SUGCT: variants seen among roughly 807,000 people sequenced by gnomAD.
SUGCT encodes succinyl-CoA:glutarate CoA-transferase.
SUGCT carries 41 observed loss-of-function variants against 55.0 expected under a neutral mutation model. The ratio of observed to expected loss-of-function variants is 0.74; its 90% CI spans 0.58 to 0.97. The LOEUF is 0.97. SUGCT is among the 50% of genes least tolerant of loss of function. The probability of loss-of-function intolerance (pLI) is 0.00; values close to 1 mark genes in which losing one functional copy is unlikely to be tolerated. For missense variants in SUGCT, 568 were observed against 547.8 expected (o/e 1.04, Z -0.37); for synonymous variants, 187 against 200.4 (o/e 0.93, Z 0.56).
Position 40,136,190 on chromosome 7 carries a change from G to T in SUGCT, c.100+1070G>T, listed in dbSNP as rs554371536. On this transcript the variant is annotated intron_variant, in intron 1 of 13. Transcript: ENST00000335693. The stretch of plus-strand genomic sequence containing the variant: ...TTTTTTGTATTTTTAGTAAAGACGG[G>T]TTTCACCATGTTGGCCAGGCTGGTC... 7.8e-4 allele frequency among the ~76,000 whole-genome samples: 119 copies of T among 152,088 alleles called. 1 individual carries two copies. Among genetic ancestry groups the T allele is most frequent in the African/African-American group, 2.7e-3 (113 of 41,496 alleles).
chr7:40,910,820 C>T, the SUGCT span, among the ~76,000 whole-genome samples: 4 of 152,160 alleles, frequency 2.6e-5, no homozygotes, highest in Non-Finnish European at 4.4e-5. Flanking sequence ...AAAATATATA[C>T]ACTAATTTGG....
chr7:40,711,526 C>A (rs1420148814), intron 12 of SUGCT, among the ~76,000 whole-genome samples: 13 of 151,998 alleles, frequency 8.6e-5, no homozygotes, highest in Non-Finnish European at 1.8e-4. Context: ...AAAAGAAAAG[C>A]TGGAAATCAG....
At chr7:40,859,086 A>G (rs1481941095) in intron 13 of SUGCT, among the ~76,000 whole-genome samples, 4 of 152,222 alleles carry the variant, frequency 2.6e-5, no homozygotes, top group Non-Finnish European at 1.5e-5. Flanking sequence ...AAGCCAGAAA[A>G]AAAAATTGAG....
intron 12 of SUGCT, among the ~76,000 whole-genome samples, chr7:40,697,782 C>A (rs943523160): frequency 1.3e-5 from 2 of 152,204 alleles, no homozygotes; most frequent in African/African-American, 4.8e-5. Context: ...TGTGGCCTTT[C>A]CTTCACCGTG....
chr7:40,879,254 A>ATATATGT, the SUGCT span, among the ~76,000 whole-genome samples: 1 of 152,240 alleles, frequency 6.6e-6, no homozygotes, highest in African/African-American at 2.4e-5. Context: ...GCAAAATTTT[A>ATATATGT]AAACATATAT....
intron 12 of SUGCT, among the ~76,000 whole-genome samples, chr7:40,548,176 T>TTC (rs1795098410): frequency 6.9e-6 from 1 of 145,708 alleles, no homozygotes; most frequent in African/African-American, 2.6e-5. Context: ...CTTTCTTCTT[T>TTC]TCTTTCTTTC....
intron 8 of SUGCT, among the ~76,000 whole-genome samples, chr7:40,288,619 T>C (rs1351405007): frequency 3.9e-5 from 6 of 152,100 alleles, no homozygotes; most frequent in African/African-American, 1.2e-4. Flanking sequence ...ATTTCATCTT[T>C]TTTGAGTGTG....
chr7:40,359,683 A>G (rs1798056281), intron 9 of SUGCT, among the ~76,000 whole-genome samples: 1 of 152,272 alleles, frequency 6.6e-6, no homozygotes, highest in East Asian at 1.9e-4. Flanking sequence ...TGTTGTAGGT[A>G]AGGTGTTTAC....
chr7:40,382,673 G>A (rs1033583094), intron 9 of SUGCT, among the ~76,000 whole-genome samples: 4 of 152,168 alleles, frequency 2.6e-5, no homozygotes, highest in African/African-American at 7.2e-5. Context: ...GTGTTAAATA[G>A]CAAGGAACTG....
chr7:40,847,962 T>C (rs1235839984), intron 13 of SUGCT, among the ~76,000 whole-genome samples: 2 of 152,194 alleles, frequency 1.3e-5, no homozygotes, highest in African/African-American at 4.8e-5. Flanking sequence ...GTAAAAGGCC[T>C]TGGGCATCTA....
intron 13 of SUGCT, among the ~76,000 whole-genome samples, chr7:40,819,436 T>TG (rs2128765336): frequency 6.6e-6 from 1 of 152,302 alleles, no homozygotes; most frequent in Admixed American, 6.5e-5. Flanking sequence ...CCTGATTTTT[T>TG]AATGATCGCC....
chr7:40,724,205 C>T lies in SUGCT; in HGVS notation c.1090-25229C>T, dbSNP rs1272587859. 2.0e-5 allele frequency among the ~76,000 whole-genome samples: 3 copies of T among 152,192 alleles called. No individual in the cohort carries two copies. In the East Asian group the frequency reaches 5.8e-4, roughly 29 times the overall value. ...AAAACATACAAGAGGAATTTCTTCA[C>T]ATGGGGGAACTATCAAGTAGGAGAA... On this transcript the variant is annotated intron_variant, in intron 12 of 13. Coordinates refer to ENST00000335693, the MANE Select transcript of SUGCT (RefSeq NM_001193313.2).
At chr7:40,325,051 C>A (rs1477796707) in intron 9 of SUGCT, among the ~76,000 whole-genome samples, 1 of 152,128 alleles carries the variant, frequency 6.6e-6, no homozygotes, top group Admixed American at 6.6e-5. Context: ...CTGGTGGGGA[C>A]ATTATACTGT....
rs2150895453 is a variant in SUGCT at position 40,242,650 on chromosome 7, G to A, written c.576+4924G>A. On this transcript the variant is annotated intron_variant, in intron 7 of 13. Transcript: ENST00000335693. ...TTGTATTTGCACCTTGCTTCTGCAT[G>A]CTGCTTGATATTTGTTACGATGTAG... Among the ~76,000 whole-genome samples, 4 of 151,870 alleles carry A rather than the reference G, an allele frequency of 2.6e-5. No homozygotes were observed. The Middle Eastern group carries it at 0.01, about 387-fold the overall frequency.
At chr7:40,749,377 C>T in intron 12 of SUGCT, 57 bp from the exon 13 acceptor site, 3 of 1,377,610 alleles carry the variant, frequency 2.2e-6, no homozygotes, top group Non-Finnish European at 3.1e-6. Flanking sequence ...CCATGCCTTG[C>T]AATTGAAGAT....
intron 6 of SUGCT, among the ~76,000 whole-genome samples, chr7:40,209,475 T>C (rs1180994028): frequency 6.7e-6 from 1 of 148,242 alleles, no homozygotes; most frequent in Non-Finnish European, 1.5e-5. Flanking sequence ...CAGCCTGGGC[T>C]GCAGAGCAAG....
At chr7:40,708,384 T>G (rs1785531660) in intron 12 of SUGCT, among the ~76,000 whole-genome samples, 2 of 152,162 alleles carry the variant, frequency 1.3e-5, no homozygotes, top group African/African-American at 4.8e-5. Context: ...TCTTAGTGGA[T>G]GAAGGAAGTA....
At chr7:40,479,075 T>TAC (rs1232790637) in intron 11 of SUGCT, among the ~76,000 whole-genome samples, 1 of 152,118 alleles carries the variant, frequency 6.6e-6, no homozygotes, top group African/African-American at 2.4e-5. Context: ...CCTATATATA[T>TAC]ACACACACAT....
chr7:40,741,958 T>C (rs1385507029), intron 12 of SUGCT, among the ~76,000 whole-genome samples: 1 of 152,196 alleles, frequency 6.6e-6, no homozygotes, highest in Non-Finnish European at 1.5e-5. Flanking sequence ...AGGAGAATTA[T>C]ATTTGGGGAT....
Sources: gnomAD v4.1 joint callset for allele counts (sites outside exome capture counted in the v4.1 genomes callset) on GRCh38, gnomAD v4.1.1 for gene constraint, MANE v1.5 for transcripts, NCBI Gene and HGNC (gene_info 2026-07-23, HGNC 2026-07-21) for gene names.